ZNF385D: variants seen among roughly 807,000 people sequenced by gnomAD.
The protein encoded by ZNF385D is zinc finger protein 385D.
ZNF385D carries 15 observed loss-of-function variants against 35.8 expected under a neutral mutation model. The ratio of observed to expected loss-of-function variants is 0.42; its 90% CI spans 0.28 to 0.64. The LOEUF is 0.64. ZNF385D is among the 30% of genes least tolerant of loss of function. ZNF385D has a pLI of 0.23. For synonymous variants in ZNF385D, 212 were observed against 186.8 expected (o/e 1.13, Z -1.10); for missense variants, 474 against 494.6 (o/e 0.96, Z 0.39).
intron 2 of ZNF385D, among the ~76,000 whole-genome samples, chr3:22,358,484 G>T (rs1296905766): frequency 6.6e-6 from 1 of 151,854 alleles, no homozygotes; most frequent in Admixed American, 6.6e-5. Flanking sequence ...CAATACAGCA[G>T]GTCTGGTGGG....
intron 2 of ZNF385D, among the ~76,000 whole-genome samples, chr3:22,319,407 G>C (rs928257319): frequency 6.6e-6 from 1 of 151,670 alleles, no homozygotes; most frequent in African/African-American, 2.4e-5. Context: ...TATTGAAATA[G>C]TTTTTATATA....
intron 3 of ZNF385D, among the ~76,000 whole-genome samples, chr3:22,027,018 T>C (rs960443319): frequency 6.6e-6 from 1 of 152,228 alleles, no homozygotes; most frequent in Non-Finnish European, 1.5e-5. Flanking sequence ...TATGCAGCCA[T>C]TGACTTGGCA....
chr3:21,840,984 T>C (rs1695636945), intron 3 of ZNF385D, among the ~76,000 whole-genome samples: 1 of 151,966 alleles, frequency 6.6e-6, no homozygotes, highest in African/African-American at 2.4e-5. Flanking sequence ...GGTTGGTCAA[T>C]TTAGCTTCCC....
At position 22,175,644 on chromosome 3, in the gene ZNF385D, G is replaced by A. The variant is rs114620393; in HGVS notation, c.107-6609C>T. Among the ~76,000 whole-genome samples, 446 of 151,008 alleles carry A rather than the reference G, an allele frequency of 3.0e-3. 2 individuals are homozygous for A. Among genetic ancestry groups the A allele is most frequent in the Non-Finnish European group, 4.7e-3 (316 of 67,598 alleles). On this transcript the variant is annotated intron_variant, in intron 2 of 5. Transcript: ENST00000494108. Reference sequence around the variant, plus strand: ...TGTGAAAGAAATTTGGCCTTTTTTCGATGAAAAAAATACGTAGTAACTTTT... The same window carrying A: ...TGTGAAAGAAATTTGGCCTTTTTTCAATGAAAAAAATACGTAGTAACTTTT...
At chr3:22,143,083 G>GTGTGTA (rs1704623564) in intron 3 of ZNF385D, among the ~76,000 whole-genome samples, 1 of 151,102 alleles carries the variant, frequency 6.6e-6, no homozygotes, top group Non-Finnish European at 1.5e-5. Flanking sequence ...GTGTGTGTGT[G>GTGTGTA]TGTGTGTGTG....
At chr3:22,193,858 G>A (rs1000459588) in intron 2 of ZNF385D, among the ~76,000 whole-genome samples, 10 of 151,868 alleles carry the variant, frequency 6.6e-5, no homozygotes, top group Admixed American at 1.3e-4. Context: ...TTTTTAAATG[G>A]CTTTCAAAAT....
chr3:21,974,271 A>G (rs897765874), intron 3 of ZNF385D, among the ~76,000 whole-genome samples: 12 of 152,104 alleles, frequency 7.9e-5, no homozygotes, highest in Admixed American at 1.3e-4. Context: ...ATAAATCCAT[A>G]CATCTACAGT....
intron 3 of ZNF385D, among the ~76,000 whole-genome samples, chr3:22,033,080 T>C (rs1698096313): frequency 6.6e-6 from 1 of 152,086 alleles, no homozygotes; most frequent in Non-Finnish European, 1.5e-5. Context: ...GACATTTTGA[T>C]TCCATGCTGC....
chr3:22,203,301 A>G (rs1696928412), intron 2 of ZNF385D, among the ~76,000 whole-genome samples: 1 of 152,068 alleles, frequency 6.6e-6, no homozygotes, highest in Non-Finnish European at 1.5e-5. Context: ...AGAAGGGAAT[A>G]TGCTGCCTGA....
chr3:21,623,901 C>G (rs1359200820), intron 2 of ZNF385D, among the ~76,000 whole-genome samples: 3 of 151,964 alleles, frequency 2.0e-5, no homozygotes. Flanking sequence ...AAAATTAGTA[C>G]AGGATTATGC....
chr3:22,063,061 G>T (rs1699768770), intron 3 of ZNF385D, among the ~76,000 whole-genome samples: 1 of 151,974 alleles, frequency 6.6e-6, no homozygotes, highest in Admixed American at 6.6e-5. Context: ...TTAATCTGGG[G>T]GTAATTTGTT....
chr3:21,458,000 T>TC (rs1702924678), intron 4 of ZNF385D, among the ~76,000 whole-genome samples: 1 of 151,932 alleles, frequency 6.6e-6, no homozygotes, highest in Non-Finnish European at 1.5e-5. Context: ...GGTGATACAG[T>TC]CCTCAAAAAA....
At chr3:22,039,140 G>A (rs1424895618) in intron 3 of ZNF385D, among the ~76,000 whole-genome samples, 7 of 149,338 alleles carry the variant, frequency 4.7e-5, no homozygotes, top group African/African-American at 1.5e-4. Context: ...GCAAAACTAT[G>A]TAAAAAGTAG....
intron 2 of ZNF385D, among the ~76,000 whole-genome samples, chr3:21,605,665 C>T (rs1305815615): frequency 6.6e-6 from 1 of 152,084 alleles, no homozygotes; most frequent in African/African-American, 2.4e-5. Flanking sequence ...GCCTCAGTTT[C>T]CTTATCTGTA....
At chr3:21,485,377 G>A (rs1342457702) in intron 4 of ZNF385D, among the ~76,000 whole-genome samples, 1 of 152,086 alleles carries the variant, frequency 6.6e-6, no homozygotes, top group Non-Finnish European at 1.5e-5. Context: ...ACTAAATACT[G>A]GAGCCGACTT....
intron 3 of ZNF385D, among the ~76,000 whole-genome samples, chr3:21,554,194 T>G (rs1174249999): frequency 6.6e-6 from 1 of 152,040 alleles, no homozygotes; most frequent in African/African-American, 2.4e-5. Context: ...ATAATAAGAG[T>G]GGGAAGTCAA....
chr3:21,694,240 T>TCA (rs2067392252), intron 1 of ZNF385D, among the ~76,000 whole-genome samples: 1 of 151,868 alleles, frequency 6.6e-6, no homozygotes, highest in African/African-American at 2.4e-5. Flanking sequence ...AGACGGGGTT[T>TCA]CACCGTGTTA....
intron 3 of ZNF385D, among the ~76,000 whole-genome samples, chr3:22,120,980 T>G (rs1375056077): frequency 6.6e-6 from 1 of 152,192 alleles, no homozygotes; most frequent in Non-Finnish European, 1.5e-5. Context: ...TAGACCATAT[T>G]CAACATCTGA....
At chr3:22,299,438 A>T (rs1433311843) in intron 2 of ZNF385D, among the ~76,000 whole-genome samples, 1 of 151,878 alleles carries the variant, frequency 6.6e-6, no homozygotes, top group Non-Finnish European at 1.5e-5. Context: ...AATATATATA[A>T]GTAACTATAA....
Sources: allele counts gnomAD v4.1 joint callset (sites outside exome capture counted in the v4.1 genomes callset), GRCh38; gene constraint gnomAD v4.1.1; transcripts MANE v1.5; gene names NCBI Gene and HGNC (gene_info 2026-07-23, HGNC 2026-07-21).